Variants in WWTR1 observed in about 807,000 individuals in gnomAD.
WWTR1 encodes WW domain containing transcription regulator 1.
In WWTR1, 13 loss-of-function variants were observed where a neutral mutation model predicts 40.1. The ratio of observed to expected loss-of-function variants is 0.32; its 90% confidence interval spans 0.21 to 0.52. The LOEUF (loss-of-function observed/expected upper bound fraction) is 0.52. Ranked by LOEUF, WWTR1 falls within the 20% of genes least tolerant of loss-of-function variation. The pLI is 0.97. For synonymous variants in WWTR1, 230 were observed against 210.1 expected, an observed-to-expected ratio of 1.09 and a Z score of -0.82; for missense variants, 436 against 523.1, an observed-to-expected ratio of 0.83 and a Z score of 1.63.
At position 149,657,013 on chromosome 3, in the gene WWTR1, G is replaced by A. The variant is rs776390541; in HGVS notation, c.294C>T (p.Thr98=). ...CGGGGCTACCCGCAGCACCCGCGCC[G>A]GTGCCCAGCTGCAGGGACGCGGGCG... ...HSSPASLQLG[T]GAGAAGSPAQ... is the part of the protein sequence containing the mutation. Residue 98 remains threonine, a synonymous_variant, in exon 2 of 7, where the codon ACC becomes ACT. Transcript: ENST00000360632. 4 of 1,595,238 alleles carry A rather than the reference G, an allele frequency of 2.5e-6. No individual in the cohort carries two copies. The highest frequency in any genetic ancestry group is 2.2e-5 in the East Asian group (1 of 44,600).
At chr3:149,666,469 A>G (rs1713822907) in intron 2 of WWTR1, among the ~76,000 whole-genome samples, 2 of 152,212 alleles carry the variant, frequency 1.3e-5, no homozygotes, top group Admixed American at 6.5e-5. Context: ...CTCATACAGC[A>G]TCTGCCACAC....
At chr3:149,719,197 C>T (rs1342338021) in intron 4 of WWTR1, among the ~76,000 whole-genome samples, 1 of 149,324 alleles carries the variant, frequency 6.7e-6, no homozygotes, top group Non-Finnish European at 1.5e-5. Context: ...GAGACCGAGT[C>T]TCACTCTGTT....
At chr3:149,717,504 G>A (rs1040164739) in exon 5 of WWTR1, 3 of 152,212 alleles carry the variant, frequency 2.0e-5, no homozygotes, top group Non-Finnish European at 2.9e-5. Flanking sequence ...ATCAGGAAGA[G>A]CAAAGCTGAA....
chr3:149,641,260 G>C (rs185949148), intron 2 of WWTR1, among the ~76,000 whole-genome samples: 2 of 152,216 alleles, frequency 1.3e-5, no homozygotes, highest in Admixed American at 6.5e-5. Flanking sequence ...CACTTACTTG[G>C]AAGTTTATAA....
chr3:149,573,652 G>C lies in WWTR1; in HGVS notation c.432-652C>G, dbSNP rs565330285. Among the ~76,000 whole-genome samples, 266 of 152,288 alleles carry C rather than the reference G, an allele frequency of 1.7e-3. 1 individual carries two copies. The highest frequency in any genetic ancestry group is 6.3e-3 in the African/African-American group (260 of 41,570). ...AATAATAGTAGGAAAGTCAACTAGT[G>C]CCAGCTTATGGAGAAACTTAGATAT... On this transcript the variant is annotated intron_variant, in intron 2 of 6. Transcript: ENST00000360632.
At chr3:149,591,161 G>A (rs1051899931) in intron 2 of WWTR1, among the ~76,000 whole-genome samples, 1 of 152,258 alleles carries the variant, frequency 6.6e-6, no homozygotes, top group East Asian at 1.9e-4. Context: ...TAAATACAAA[G>A]CGGAACGCCA....
intron 2 of WWTR1, among the ~76,000 whole-genome samples, chr3:149,617,597 C>T (rs553958174): frequency 1.3e-5 from 2 of 152,280 alleles, no homozygotes; most frequent in Non-Finnish European, 2.9e-5. Flanking sequence ...GTCACAAGTT[C>T]GAGACCAGTC....
At chr3:149,679,190 A>G (rs1490437733) in intron 1 of WWTR1, among the ~76,000 whole-genome samples, 1 of 152,180 alleles carries the variant, frequency 6.6e-6, no homozygotes. Context: ...CAATCAGTAA[A>G]GGTTGTTGTT....
intron 2 of WWTR1, among the ~76,000 whole-genome samples, chr3:149,609,317 T>C (rs1576594755): frequency 6.6e-6 from 1 of 152,286 alleles, no homozygotes; most frequent in East Asian, 1.9e-4. Flanking sequence ...GTACAGAATG[T>C]GTAATGTGTT....
intron 2 of WWTR1, among the ~76,000 whole-genome samples, chr3:149,634,460 C>A (rs572258545): frequency 1.3e-5 from 2 of 152,178 alleles, no homozygotes; most frequent in African/African-American, 2.4e-5. Flanking sequence ...TTATCTCCCA[C>A]CAAAGTTTCC....
chr3:149,681,027 A>G (rs1459697440), intron 1 of WWTR1, among the ~76,000 whole-genome samples: 2 of 152,248 alleles, frequency 1.3e-5, no homozygotes, highest in African/African-American at 4.8e-5. Context: ...TACCTTGTAC[A>G]TACATCTTGT....
At chr3:149,639,908 G>A (rs892597810) in intron 2 of WWTR1, among the ~76,000 whole-genome samples, 3 of 147,472 alleles carry the variant, frequency 2.0e-5, no homozygotes, top group African/African-American at 5.0e-5. Context: ...GCAAGAGAAC[G>A]TTGTGAACCT....
At chr3:149,679,644 G>GA (rs1460524907) in intron 1 of WWTR1, among the ~76,000 whole-genome samples, 25 of 144,462 alleles carry the variant, frequency 1.7e-4, no homozygotes, top group African/African-American at 5.8e-4. Context: ...TGGAATGGTG[G>GA]GAAAAAAAAA....
rs968622817 is a variant in WWTR1 at position 149,556,218 on chromosome 3, C to T, written c.569-13681G>A. ...TGGGAAACTGCCAGATTATTTCACA[C>T]TCTATGGTAAAATTTAAAATTCTGA... is the stretch of plus-strand genomic sequence containing the variant. On this transcript the variant is annotated intron_variant, in intron 3 of 6. Transcript: ENST00000360632. 7.2e-5 allele frequency among the ~76,000 whole-genome samples: 11 copies of T among 152,332 alleles called. 1 individual carries two copies. Among genetic ancestry groups the T allele is most frequent in the East Asian group, 5.8e-4 (3 of 5,184 alleles).
upstream of WWTR1, chr3:149,659,478 C>A (rs1294740073): frequency 1.3e-5 from 2 of 151,580 alleles, no homozygotes; most frequent in Non-Finnish European, 2.9e-5. Context: ...GATTAAGACG[C>A]CTGCCACCAC....
chr3:149,667,227 T>C (rs1713856724), intron 2 of WWTR1, among the ~76,000 whole-genome samples: 1 of 152,158 alleles, frequency 6.6e-6, no homozygotes, highest in Non-Finnish European at 1.5e-5. Context: ...TGGAACTTGA[T>C]GCATTTTGTT....
At chr3:149,523,783 C>A (rs1735168631) in intron 6 of WWTR1, among the ~76,000 whole-genome samples, 1 of 152,204 alleles carries the variant, frequency 6.6e-6, no homozygotes, top group Non-Finnish European at 1.5e-5. Flanking sequence ...GCTCTGCCTG[C>A]CCCCACAGCT....
At chr3:149,672,200 C>T (rs1382802482) in intron 1 of WWTR1, among the ~76,000 whole-genome samples, 1 of 152,190 alleles carries the variant, frequency 6.6e-6, no homozygotes, top group Non-Finnish European at 1.5e-5. Context: ...TATGTGGCCG[C>T]AAAGCCCAAA....
intron 4 of WWTR1, among the ~76,000 whole-genome samples, chr3:149,533,327 C>T (rs1182957346): frequency 6.6e-6 from 1 of 152,142 alleles, no homozygotes; most frequent in Non-Finnish European, 1.5e-5. Context: ...CAAAGAGTGA[C>T]CAGAGACCAA....
Sources: gnomAD v4.1 joint callset for allele counts (sites outside exome capture counted in the v4.1 genomes callset) on GRCh38, gnomAD v4.1.1 for gene constraint, MANE v1.5 for transcripts, NCBI Gene and HGNC (gene_info 2026-07-23, HGNC 2026-07-21) for gene names.